Variants in MAP3K13 observed in about 807,000 individuals in gnomAD.
MAP3K13 encodes the protein leucine zipper-bearing kinase.
A neutral mutation model predicts 104.0 loss-of-function variants in MAP3K13; 52 were observed. That is an observed-to-expected ratio of 0.50 (90% CI 0.40 to 0.63). The LOEUF (loss-of-function observed/expected upper bound fraction) is 0.63. Ranked by LOEUF, MAP3K13 falls within the 20% of genes least tolerant of loss-of-function variation. The probability of loss-of-function intolerance (pLI) is 0.00; values close to 1 mark genes in which losing one functional copy is unlikely to be tolerated. For missense variants in MAP3K13, 914 were observed against 1,218.5 expected (o/e 0.75, Z 3.72); for synonymous variants, 394 against 442.2 (o/e 0.89, Z 1.37).
intron 2 of MAP3K13, among the ~76,000 whole-genome samples, chr3:185,331,951 T>C (rs1257192321): frequency 6.6e-6 from 1 of 152,224 alleles, no homozygotes; most frequent in Non-Finnish European, 1.5e-5. Context: ...TGTAAGTACA[T>C]AGAGAGTGTC....
In MAP3K13 at chr3:185,330,046, A is replaced by ATTTTTTTT. The variant is rs548813356; in HGVS notation, c.-86+44432_-86+44439dup. On this transcript the variant is annotated intron_variant, in intron 2 of 14. Coordinates refer to the MAP3K13 transcript ENST00000424227. The stretch of plus-strand genomic sequence containing the variant: ...AGGCGCCCGCCACCATGCCTGGCTA[A>ATTTTTTTT]TTTTTTTTTTTTTTTTTTTTTTTTT... Among the ~76,000 whole-genome samples, 31 of 98,266 alleles carry ATTTTTTTT rather than the reference A, an allele frequency of 3.2e-4. 1 individual carries two copies. The highest frequency in any genetic ancestry group is 1.2e-3 in the East Asian group (4 of 3,230). 64.5% of individuals were successfully genotyped at this position (98,266 alleles called of 152,430 possible).
At chr3:185,291,903 CAA>C (rs139816082) in intron 2 of MAP3K13, 27,469 of 867,736 alleles carry the variant, frequency 0.032, 6 homozygotes, top group African/African-American at 0.046. Flanking sequence ...CAGTGCTTTC[CAA>C]AAAAAAAAAA....
At chr3:185,329,155 T>A in intron 2 of MAP3K13, 1 of 698,592 alleles carries the variant, frequency 1.4e-6, no homozygotes, top group East Asian at 2.7e-5. Flanking sequence ...CCGTGAGGTG[T>A]ATCAGCAAGT....
intron 3 of MAP3K13, among the ~76,000 whole-genome samples, chr3:185,442,580 A>G (rs1304256058): frequency 1.3e-5 from 2 of 149,142 alleles, no homozygotes; most frequent in Non-Finnish European, 3.0e-5. Context: ...GTCACCCAGG[A>G]TGGAGTGCAG....
intron 2 of MAP3K13, among the ~76,000 whole-genome samples, chr3:185,338,816 T>A (rs2108717418): frequency 6.6e-6 from 1 of 152,332 alleles, no homozygotes; most frequent in African/African-American, 2.4e-5. Context: ...GTTAAAACTC[T>A]TAGAACTATA....
At chr3:185,455,768 T>G (rs997144854) in intron 7 of MAP3K13, among the ~76,000 whole-genome samples, 1 of 86,750 alleles carries the variant, frequency 1.2e-5, no homozygotes, top group Non-Finnish European at 2.3e-5. Flanking sequence ...ATGAGATATA[T>G]ATATGATATA....
intron 1 of MAP3K13, among the ~76,000 whole-genome samples, chr3:185,420,062 G>C (rs1332092120): frequency 6.6e-6 from 1 of 152,104 alleles, no homozygotes; most frequent in Non-Finnish European, 1.5e-5. Context: ...CATACTTCAA[G>C]ATTATTAAAC....
chr3:185,431,065 A>G (rs1341143635), intron 2 of MAP3K13, among the ~76,000 whole-genome samples: 5 of 152,122 alleles, frequency 3.3e-5, no homozygotes, highest in Admixed American at 6.6e-5. Flanking sequence ...CACATTTTCA[A>G]ACAACCAGAT....
At position 185,428,828 on chromosome 3, in the gene MAP3K13, A is replaced by G. The variant is rs1714580727; in HGVS notation, c.247A>G (p.Ser83Gly). 1 of 1,614,032 alleles carries G rather than the reference A, an allele frequency of 6.2e-7. No individual in the cohort carries two copies. The highest frequency in any genetic ancestry group is 1.1e-5 in the South Asian group (1 of 91,076). ...GGATTCCAGGGACCAGTTTGAGAAC[A>G]GCGTTCTTCAGCTAAGGGAACACGA... ...SEDSRDQFEN[S>G]VLQLREHDES... The change falls in exon 2 of 14, where the codon AGC becomes GGC. Residue 83 changes from serine (S) to glycine (G), a missense_variant. Around this residue, in one of 3 missense-constraint regions of MAP3K13, gnomAD observed 156 missense variants for 159.8 expected, o/e 0.98. Transcript: ENST00000265026.
At chr3:185,297,899 T>C (rs1427231417) in intron 2 of MAP3K13, among the ~76,000 whole-genome samples, 1 of 151,984 alleles carries the variant, frequency 6.6e-6, no homozygotes, top group Non-Finnish European at 1.5e-5. Context: ...TCTGTGTGCA[T>C]ACAATTAATA....
At chr3:185,478,962 T>A (rs907853773) in intron 12 of MAP3K13, among the ~76,000 whole-genome samples, 1 of 151,168 alleles carries the variant, frequency 6.6e-6, no homozygotes, top group African/African-American at 2.4e-5. Context: ...AAAAAGGAAG[T>A]CTTTATTATT....
intron 2 of MAP3K13, among the ~76,000 whole-genome samples, chr3:185,326,137 T>C (rs1330436867): frequency 6.6e-6 from 1 of 152,172 alleles, no homozygotes; most frequent in African/African-American, 2.4e-5. Flanking sequence ...TCCTGGTTTG[T>C]CTATTCTCCA....
At chr3:185,325,411 A>G (rs553490816) in intron 2 of MAP3K13, among the ~76,000 whole-genome samples, 1 of 152,166 alleles carries the variant, frequency 6.6e-6, no homozygotes, top group East Asian at 1.9e-4. Context: ...AGTCACATTC[A>G]TAGATTCCGG....
In MAP3K13 at chr3:185,381,748, T is replaced by C. The variant is rs540069427; in HGVS notation, c.-86+18380T>C. On this transcript the variant is annotated intron_variant, in intron 1 of 13. Transcript: ENST00000265026. ...CATTTAGGCATGAGTTATTGTGCAGTTGGCCATGAGTTTGATAATAATAAA... is the reference window on the plus strand; with the variant it reads ...CATTTAGGCATGAGTTATTGTGCAGCTGGCCATGAGTTTGATAATAATAAA... Among the ~76,000 whole-genome samples the C allele has an allele frequency of 3.9e-5, 6 of 152,362 alleles. No individual in the cohort carries two copies. In the South Asian group the frequency reaches 8.3e-4, roughly 21 times the overall value.
upstream of MAP3K13, among the ~76,000 whole-genome samples, chr3:185,358,334 T>C (rs115557954): frequency 3.4e-3 from 518 of 152,268 alleles, 4 homozygotes; most frequent in African/African-American, 0.012. Context: ...TCCTTCATAT[T>C]AAGTTGTAAA....
rs1445029100 is a variant in MAP3K13, at chr3:185,454,232, A to T, written c.1278+2837A>T. The stretch of plus-strand genomic sequence containing the variant: ...TATATATGAGATATATATATGATAC[A>T]TATATATGAGATATATATGATACAT... On this transcript the variant is annotated intron_variant, in intron 7 of 13. Coordinates refer to ENST00000265026, the MANE Select transcript of MAP3K13 (RefSeq NM_004721.5). Among the ~76,000 whole-genome samples the T allele has an allele frequency of 7.5e-3, 256 of 34,342 alleles. 72 individuals are homozygous for T. The highest frequency in any genetic ancestry group is 0.017 in the African/African-American group (241 of 13,892). 22.5% of individuals were successfully genotyped at this position (34,342 alleles called of 152,430 possible).
rs1192712693 is a variant in MAP3K13, at chr3:185,450,723, C to A, written c.1170-564C>A. On this transcript the variant is annotated intron_variant, in intron 6 of 13. Transcript: ENST00000265026. This position sits in a 1 kb window ranked among gnomAD's most constrained non-coding sequence, Gnocchi z 4.2. ...GCCGAGGTAGGAGGATCACTTGAAC[C>A]CATGAGTCTGAGATCAGCTTAGGCA... is the stretch of plus-strand genomic sequence containing the variant. 6.6e-6 allele frequency among the ~76,000 whole-genome samples: 1 copy of A among 151,188 alleles called. No homozygotes were observed. The highest frequency in any genetic ancestry group is 1.9e-4 in the East Asian group (1 of 5,154).
At chr3:185,307,547 T>TCCCCCCCCCCCCCC (rs1560041671) in intron 2 of MAP3K13, among the ~76,000 whole-genome samples, 1 of 110,230 alleles carries the variant, frequency 9.1e-6, no homozygotes, top group Non-Finnish European at 1.7e-5. Context: ...CACCACCCCC[T>TCCCCCCCCCCCCCC]CCCCCGCCAC....
intron 2 of MAP3K13, chr3:185,292,965 A>C: frequency 1.0e-6 from 1 of 984,082 alleles, no homozygotes; most frequent in Non-Finnish European, 1.2e-6. Context: ...AATATTTCAC[A>C]ATGCATCCCA....
Sources: gnomAD v4.1 joint callset for allele counts (sites outside exome capture counted in the v4.1 genomes callset) on GRCh38, gnomAD v4.1.1 for gene constraint, gnomAD v4.1.1 regional missense constraint, Gnocchi (gnomAD v3.1) non-coding constraint, MANE v1.5 for transcripts, NCBI Gene and HGNC (gene_info 2026-07-23, HGNC 2026-07-21) for gene names.